Variants in EMID1 observed in about 807,000 individuals in gnomAD.
The protein encoded by EMID1 is EMI domain containing 1, also known as EMI domain-containing protein 1.
EMID1 carries 40 observed loss-of-function variants against 60.6 expected under a neutral mutation model. The observed-to-expected ratio is 0.66, with a 90% CI of 0.51 to 0.86. EMID1 has a LOEUF of 0.86. EMID1 is among the 40% of genes least tolerant of loss of function. EMID1 has a pLI of 0.00. For missense variants in EMID1, 585 were observed against 597.1 expected, an observed-to-expected ratio of 0.98 and a Z score of 0.21; for synonymous variants, 242 against 231.0, an observed-to-expected ratio of 1.05 and a Z score of -0.43.
intron 5 of EMID1, among the ~76,000 whole-genome samples, chr22:29,228,156 CAAAAAAA>C (rs748240529): frequency 7.7e-5 from 3 of 38,930 alleles, no homozygotes; most frequent in African/African-American, 1.7e-4. Context: ...AACTCCATCT[CAAAAAAA>C]AAAAAAAAAA....
Position 29,231,087 on chromosome 22 carries a change from C to T in EMID1, c.533C>T (p.Pro178Leu), listed in dbSNP as rs769136647. The T allele has an allele frequency of 5.9e-5, 95 of 1,613,544 alleles. No individual in the cohort carries two copies. Among genetic ancestry groups the T allele is most frequent in the Non-Finnish European group, 7.5e-5 (88 of 1,179,804 alleles). ...PTPATPEDPA[P>L]LWGPPPAQGS... ...CCAGCTACCCCTGAGGACCCTGCCC[C>T]GCTCTGGGGTCCCCCTCCTGCCCAG... The change falls in exon 6 of 15, where the codon CCG (proline) becomes CTG (leucine). Residue 178 changes from proline to leucine, a missense_variant. Coordinates refer to ENST00000334018, the MANE Select transcript of EMID1 (RefSeq NM_133455.4).
intron 6 of EMID1, 144 bp downstream of exon 6, chr22:29,231,284 C>T: frequency 7.8e-7 from 1 of 1,281,400 alleles, no homozygotes; most frequent in East Asian, 2.6e-5. Context: ...TTTCTTAGAC[C>T]CGCCTAAGAG....
At chr22:29,233,874 C>G in intron 10 of EMID1, 1 of 677,072 alleles carries the variant, frequency 1.5e-6, no homozygotes, top group South Asian at 2.0e-5. Flanking sequence ...TAATGAGAAC[C>G]ATGTGTGGTT....
At chr22:29,234,237 G>C (rs537358741) in intron 11 of EMID1, 38 bp downstream of exon 11, 1 of 1,609,730 alleles carries the variant, frequency 6.2e-7, no homozygotes, top group Non-Finnish European at 8.5e-7. Flanking sequence ...GGAATTCTGG[G>C]GAGTCCTGAG....
chr22:29,230,609 C>T (rs1393508718), intron 5 of EMID1, among the ~76,000 whole-genome samples: 1 of 152,182 alleles, frequency 6.6e-6, no homozygotes, highest in Non-Finnish European at 1.5e-5. Flanking sequence ...CCACTCCAAG[C>T]TGGGCCCTGC....
At chr22:29,214,786 CTT>C (rs547363072) in intron 1 of EMID1, 138 bp from the exon 2 acceptor site, 3 of 536,288 alleles carry the variant, frequency 5.6e-6, no homozygotes, top group Non-Finnish European at 3.2e-6. Flanking sequence ...GCCCAAATGA[CTT>C]TGCAAGCTCA....
intron 1 of EMID1, among the ~76,000 whole-genome samples, chr22:29,212,712 C>T (rs1442599107): frequency 6.6e-6 from 1 of 152,014 alleles, no homozygotes; most frequent in East Asian, 1.9e-4. Context: ...TACAGGCTCC[C>T]ACCATCACAC....
intron 14 of EMID1, chr22:29,255,635 G>A: frequency 6.3e-6 from 2 of 315,292 alleles, no homozygotes; most frequent in Non-Finnish European, 1.2e-5. Context: ...GTGCTGGGGG[G>A]CTCAGGAGAA....
intron 3 of EMID1, among the ~76,000 whole-genome samples, chr22:29,219,030 G>A (rs1000585215): frequency 1.2e-4 from 19 of 152,094 alleles, no homozygotes; most frequent in Non-Finnish European, 1.9e-4. Context: ...GGCGCTGCAA[G>A]GTTTACCCCC....
At position 29,231,566 on chromosome 22, in the gene EMID1, G is replaced by T. The variant is rs550924502; in HGVS notation, c.587-27G>T. ...GGGGGTCAAGAGCAGATGTGGAGCT[G>T]CCAGTCTGATATGCTTTACCCCCCA... is the stretch of plus-strand genomic sequence containing the variant. On this transcript the variant is annotated intron_variant, in intron 6 of 14. Transcript: ENST00000334018. 4.5e-6 allele frequency: 7 copies of T among 1,548,762 alleles called. No individual in the cohort carries two copies. The East Asian group carries it at 1.5e-4, about 32-fold the overall frequency.
chr22:29,227,541 T>C (rs1165408001), intron 5 of EMID1, among the ~76,000 whole-genome samples: 1 of 151,716 alleles, frequency 6.6e-6, no homozygotes, highest in African/African-American at 2.4e-5. Flanking sequence ...CCTGTCTCTT[T>C]TAAAAATACA....
chr22:29,247,485 G>A (rs2041366912), intron 13 of EMID1, among the ~76,000 whole-genome samples: 1 of 152,240 alleles, frequency 6.6e-6, no homozygotes, highest in South Asian at 2.1e-4. Flanking sequence ...CAGCTGTATG[G>A]TGTAGCCAAT....
intron 14 of EMID1, chr22:29,255,263 C>G (rs1281047570): frequency 7.8e-7 from 1 of 1,283,154 alleles, no homozygotes; most frequent in South Asian, 1.4e-5. Context: ...TTCTCCATCT[C>G]CCATCAGGCT....
intron 12 of EMID1, among the ~76,000 whole-genome samples, chr22:29,235,780 CTTTTTTTTTTTT>C (rs56085732): frequency 9.5e-5 from 7 of 73,880 alleles, no homozygotes; most frequent in Admixed American, 1.8e-4. Context: ...AGAATTTAAG[CTTTTTTTTTTTT>C]TTTTTTTTTT....
At chr22:29,228,321 G>A (rs1031469249) in intron 5 of EMID1, among the ~76,000 whole-genome samples, 11 of 151,744 alleles carry the variant, frequency 7.2e-5, no homozygotes, top group South Asian at 2.1e-4. Context: ...GCGAGACTCC[G>A]TCTCAAGAAA....
chr22:29,209,988 G>A (rs1406222982), intron 1 of EMID1, among the ~76,000 whole-genome samples: 1 of 152,128 alleles, frequency 6.6e-6, no homozygotes, highest in Non-Finnish European at 1.5e-5. Flanking sequence ...GCAGGAGGGT[G>A]GCAGGGCCAG....
At chr22:29,216,533 A>G in intron 3 of EMID1, 1 of 985,486 alleles carries the variant, frequency 1.0e-6, no homozygotes, top group African/African-American at 1.7e-5. Flanking sequence ...CATGAACGTG[A>G]ACATCAGTCT....
chr22:29,223,444 A>T (rs986236373), intron 3 of EMID1, among the ~76,000 whole-genome samples: 2 of 152,242 alleles, frequency 1.3e-5, no homozygotes, highest in African/African-American at 4.8e-5. Context: ...ATGACATCAC[A>T]TCTCCACCTG....
At chr22:29,253,028 A>G (rs572204690) in intron 13 of EMID1, among the ~76,000 whole-genome samples, 1 of 152,358 alleles carries the variant, frequency 6.6e-6, no homozygotes, top group East Asian at 1.9e-4. Flanking sequence ...TCCCCAGCTT[A>G]CGATGGTTCA....
Sources: allele counts gnomAD v4.1 joint callset (sites outside exome capture counted in the v4.1 genomes callset), GRCh38; gene constraint gnomAD v4.1.1; transcripts MANE v1.5; gene names NCBI Gene and HGNC (gene_info 2026-07-23, HGNC 2026-07-21).